The following NRXN1 variants were observed in gnomAD, a reference collection of about 807,000 sequenced individuals.
The protein encoded by NRXN1 is neurexin-1.
NRXN1 carries 39 observed loss-of-function variants against 150.9 expected under a neutral mutation model. That is an observed-to-expected ratio of 0.26 (90% CI 0.20 to 0.34). The LOEUF is 0.34. Among genes scored for constraint, NRXN1 ranks in the 10% least tolerant of loss-of-function variants. The pLI, the probability that NRXN1 is intolerant of heterozygous loss-of-function variation, is 1.00. For missense variants in NRXN1, 1,815 were observed against 1,949.9 expected (o/e 0.93, Z 1.30); for synonymous variants, 924 against 757.0 (o/e 1.22, Z -3.62).
chr2:50,935,287 T>C (rs1462591032), intron 2 of NRXN1, among the ~76,000 whole-genome samples: 1 of 152,078 alleles, frequency 6.6e-6, no homozygotes, highest in Non-Finnish European at 1.5e-5. Context: ...CTGTAAGACT[T>C]AAATACAGCA....
At chr2:50,907,852 A>G (rs1558401345) in intron 5 of NRXN1, among the ~76,000 whole-genome samples, 1 of 152,100 alleles carries the variant, frequency 6.6e-6, no homozygotes, top group Non-Finnish European at 1.5e-5. Flanking sequence ...TGACCTACAG[A>G]AGAGTGAGAT....
intron 8 of NRXN1, among the ~76,000 whole-genome samples, chr2:50,609,843 G>C (rs537171194): frequency 6.6e-6 from 1 of 152,082 alleles, no homozygotes; most frequent in Non-Finnish European, 1.5e-5. Flanking sequence ...ACTCCACAGA[G>C]AGCCTGGTAC....
intron 17 of NRXN1, among the ~76,000 whole-genome samples, chr2:50,314,440 T>C (rs896509201): frequency 4.6e-5 from 7 of 151,930 alleles, no homozygotes; most frequent in African/African-American, 1.7e-4. Context: ...CAGAAGCAAC[T>C]CACCACAATT....
chr2:50,810,335 A>C (rs1342804704), intron 5 of NRXN1, among the ~76,000 whole-genome samples: 1 of 152,200 alleles, frequency 6.6e-6, no homozygotes, highest in Non-Finnish European at 1.5e-5. Flanking sequence ...ATCTACATAT[A>C]CTGAGAGGAA....
intron 2 of NRXN1, among the ~76,000 whole-genome samples, chr2:50,946,045 C>A (rs1052128467): frequency 6.6e-6 from 1 of 151,684 alleles, no homozygotes; most frequent in African/African-American, 2.4e-5. Flanking sequence ...ATACAAACTA[C>A]ACAAAACATA....
intron 5 of NRXN1, among the ~76,000 whole-genome samples, chr2:50,831,853 T>C (rs1346605294): frequency 6.6e-6 from 1 of 152,198 alleles, no homozygotes; most frequent in Non-Finnish European, 1.5e-5. Flanking sequence ...GCCATTTCTT[T>C]TGTGTCTGTT....
chr2:50,639,953 G>C (rs899512784), intron 5 of NRXN1, among the ~76,000 whole-genome samples: 2 of 152,108 alleles, frequency 1.3e-5, no homozygotes, highest in Admixed American at 6.6e-5. Flanking sequence ...AATAGGAATA[G>C]ACTCTATATC....
At position 50,323,571 on chromosome 2, in the gene NRXN1, C is replaced by CTATATATATA. The variant is rs149609146; in HGVS notation, c.3365-86611_3365-86602dup. ...GACAACGCAAGTTTCGGGAAATAAACTATATATATATATATATATATAACT... is the reference window on the plus strand; with the variant it reads ...GACAACGCAAGTTTCGGGAAATAAACTATATATATATATATATATATATATATATATAACT... On this transcript the variant is annotated intron_variant, in intron 17 of 22. Transcript: ENST00000401669. Among the ~76,000 whole-genome samples, 127 of 144,366 alleles carry CTATATATATA rather than the reference C, an allele frequency of 8.8e-4. 1 individual carries two copies. Among genetic ancestry groups the CTATATATATA allele is most frequent in the African/African-American group, 2.9e-3 (115 of 39,510 alleles). 94.7% of individuals were successfully genotyped at this position (144,366 alleles called of 152,430 possible).
intron 17 of NRXN1, among the ~76,000 whole-genome samples, chr2:50,423,138 C>G (rs1187117131): frequency 1.3e-5 from 2 of 152,122 alleles, no homozygotes; most frequent in Non-Finnish European, 2.9e-5. Flanking sequence ...ATATTCCTTT[C>G]CTGTCTATCT....
intron 5 of NRXN1, among the ~76,000 whole-genome samples, chr2:50,814,230 C>T (rs573578333): frequency 1.5e-4 from 23 of 152,178 alleles, no homozygotes; most frequent in Non-Finnish European, 2.9e-4. Context: ...CTCCTGGCCT[C>T]AAGGAATCCT....
chr2:50,634,760 C>T (rs552599735), intron 5 of NRXN1, among the ~76,000 whole-genome samples: 1 of 151,998 alleles, frequency 6.6e-6, no homozygotes, highest in African/African-American at 2.4e-5. Flanking sequence ...CAAGACCTGG[C>T]CCTTCCAGTT....
intron 2 of NRXN1, among the ~76,000 whole-genome samples, chr2:51,001,779 A>T (rs1191642487): frequency 6.6e-6 from 1 of 152,002 alleles, no homozygotes; most frequent in Non-Finnish European, 1.5e-5. Flanking sequence ...CAAATATAAC[A>T]GTTTGGCATG....
chr2:50,553,030 G>C lies in NRXN1; in HGVS notation c.1321-5C>G. The C allele has an allele frequency of 6.3e-7, 1 of 1,595,408 alleles. No homozygotes were observed. The highest frequency in any genetic ancestry group is 1.1e-5 in the South Asian group (1 of 89,352). ...ATCATTATTTTTATATACAACCTGT[G>C]GGCAGAGGATAGCAGTGAGAAACTA... On this transcript the variant is annotated splice_region_variant and splice_polypyrimidine_tract_variant and intron_variant, in intron 8 of 22. Coordinates refer to ENST00000401669, the MANE Select transcript of NRXN1 (RefSeq NM_001330078.2).
At chr2:50,953,031 G>A (rs1167813088) in intron 2 of NRXN1, among the ~76,000 whole-genome samples, 2 of 152,104 alleles carry the variant, frequency 1.3e-5, no homozygotes, top group East Asian at 3.9e-4. Context: ...TAAGAGAGAG[G>A]AACACTGTCA....
intron 21 of NRXN1, among the ~76,000 whole-genome samples, chr2:49,985,022 G>T (rs1231428029): frequency 3.3e-5 from 5 of 152,200 alleles, no homozygotes; most frequent in Admixed American, 6.5e-5. Context: ...TGGAGAGAAT[G>T]GGGCAGTGAA....
intron 2 of NRXN1, among the ~76,000 whole-genome samples, chr2:50,966,767 A>C (rs182979457): frequency 6.6e-6 from 1 of 151,996 alleles, no homozygotes; most frequent in Non-Finnish European, 1.5e-5. Flanking sequence ...ATGGAAATTA[A>C]TGGATAAGGG....
intron 17 of NRXN1, among the ~76,000 whole-genome samples, chr2:50,362,860 C>A (rs1572686158): frequency 1.3e-5 from 2 of 152,216 alleles, no homozygotes; most frequent in East Asian, 1.9e-4. Context: ...GTCACAGTAA[C>A]CAAAACAGCA....
intron 8 of NRXN1, among the ~76,000 whole-genome samples, chr2:50,588,045 G>A (rs1158650812): frequency 6.6e-6 from 1 of 152,128 alleles, no homozygotes; most frequent in Non-Finnish European, 1.5e-5. Flanking sequence ...TTAGCTAAAT[G>A]CTTGCTAGCA....
chr2:49,959,195 A>G (rs1002944888), intron 21 of NRXN1, among the ~76,000 whole-genome samples: 1 of 152,194 alleles, frequency 6.6e-6, no homozygotes, highest in African/African-American at 2.4e-5. Context: ...TCCAAGATCT[A>G]TTCAAACAGA....
Sources: allele counts gnomAD v4.1 joint callset (sites outside exome capture counted in the v4.1 genomes callset), GRCh38; gene constraint gnomAD v4.1.1; transcripts MANE v1.5; gene names NCBI Gene and HGNC (gene_info 2026-07-23, HGNC 2026-07-21).